FRY: variants seen among roughly 807,000 people sequenced by gnomAD.
FRY encodes the protein protein furry homolog.
In FRY, 128 loss-of-function variants were observed where a neutral mutation model predicts 348.4. The ratio of observed to expected loss-of-function variants is 0.37; its 90% CI spans 0.32 to 0.43. The LOEUF is 0.43. Ranked by LOEUF, FRY falls within the 20% of genes least tolerant of loss-of-function variation. The probability of loss-of-function intolerance (pLI) is 1.00; values close to 1 mark genes in which losing one functional copy is unlikely to be tolerated. For synonymous variants in FRY, 1,370 were observed against 1,374.7 expected (o/e 1.00, Z 0.08); for missense variants, 2,736 against 3,695.2 (o/e 0.74, Z 6.73).
Position 32,239,822 on chromosome 13 carries a change from C to G in FRY, c.6628C>G (p.Arg2210Gly). The G allele has an allele frequency of 1.2e-6, 2 of 1,614,044 alleles. No homozygotes were observed. The highest frequency in any genetic ancestry group is 1.7e-6 in the Non-Finnish European group (2 of 1,179,984). Residue 2210 changes from arginine (R) to glycine (G), a missense_variant, in exon 46 of 61, where the codon CGA becomes GGA. Around this residue, in one of 9 missense-constraint regions of FRY, gnomAD observed 789 missense variants for 996.2 expected, o/e 0.79. Transcript: ENST00000542859. This position sits in a 1 kb window ranked among gnomAD's most constrained non-coding sequence, Gnocchi z 4.3. ...TGCCACGTGGGTCAATGTGGTCTGT[C>G]GATACCTTCATGAAGCATATGCTGA... Reference protein sequence around the residue: ...DCATWVNVVCRYLHEAYADIT... With the variant: ...DCATWVNVVCGYLHEAYADIT...
At chr13:32,266,097 C>G (rs978196990) in intron 54 of FRY, among the ~76,000 whole-genome samples, 2 of 151,958 alleles carry the variant, frequency 1.3e-5, no homozygotes, top group African/African-American at 4.8e-5. Flanking sequence ...TAGATAAACA[C>G]CAGAGGTTAG....
At position 32,208,770 on chromosome 13, in the gene FRY, A is replaced by C. The variant is rs187305568; in HGVS notation, c.4019-83A>C. The C allele has an allele frequency of 4.7e-6, 7 of 1,494,016 alleles. No individual in the cohort carries two copies. In the East Asian group the frequency reaches 1.6e-4, roughly 34 times the overall value. 92.5% of individuals were successfully genotyped at this position (1,494,016 alleles called of 1,614,324 possible). A position where few individuals can be genotyped will look rare whatever the true frequency, so the allele number is the denominator to read the frequency against. On this transcript the variant is annotated intron_variant, in intron 31 of 60. Coordinates refer to ENST00000542859, the MANE Select transcript of FRY (RefSeq NM_023037.3). ...GTTTTGTAAACGTAGGACACTGTTC[A>C]GTCTGCAAGTTGGCATTTGAATTTC...
intron 1 of FRY, among the ~76,000 whole-genome samples, chr13:32,035,480 G>T (rs559489627): frequency 6.6e-6 from 1 of 152,290 alleles, no homozygotes; most frequent in African/African-American, 2.4e-5. Flanking sequence ...TAGAGAACAA[G>T]TTTAAAGTGG....
chr13:32,074,490 G>A (rs1874890996), intron 1 of FRY, among the ~76,000 whole-genome samples: 1 of 152,124 alleles, frequency 6.6e-6, no homozygotes, highest in Non-Finnish European at 1.5e-5. Flanking sequence ...TGGTTTGAAT[G>A]ACTTTTTAGA....
At chr13:32,247,602 T>G in intron 48 of FRY, 100 bp downstream of exon 48, 4 of 949,628 alleles carry the variant, frequency 4.2e-6, no homozygotes, top group Non-Finnish European at 6.8e-6. Flanking sequence ...TATTTGACAG[T>G]TATTTCAAAT....
chr13:32,127,548 TG>T (rs1593643946), intron 7 of FRY, among the ~76,000 whole-genome samples: 1 of 152,148 alleles, frequency 6.6e-6, no homozygotes, highest in East Asian at 1.9e-4. Flanking sequence ...GAGGCCAAGG[TG>T]GGCGGATCAC....
intron 36 of FRY, among the ~76,000 whole-genome samples, chr13:32,220,100 G>A (rs1284720495): frequency 3.9e-5 from 6 of 152,174 alleles, no homozygotes; most frequent in East Asian, 1.9e-4. Flanking sequence ...AGTATCTTGT[G>A]GGATTTATTC....
chr13:32,264,028 C>T (rs961192359), intron 53 of FRY, among the ~76,000 whole-genome samples: 4 of 152,012 alleles, frequency 2.6e-5, no homozygotes, highest in Admixed American at 1.3e-4. Context: ...GTAATACCTA[C>T]GTAATAGATC....
chr13:32,211,034 G>A lies in FRY; in HGVS notation c.4591G>A (p.Gly1531Arg). The A allele has an allele frequency of 1.2e-6, 2 of 1,613,958 alleles. No individual in the cohort carries two copies. The change falls in exon 34 of 61, where the codon GGA (glycine) becomes AGA (arginine). Residue 1531 changes from glycine to arginine, a missense_variant and splice_region_variant. By Grantham distance (125) the Gly-to-Arg change is moderately radical. Transcript: ENST00000542859. The stretch of plus-strand genomic sequence containing the variant: ...TAGCAAGGCTTCCGCAGCAGCCTCA[G>A]GTAAGAAGAGCAACCGGGCAGACAC... ...ASSKASAAAS[G>R]TTSSSNTVVA...
intron 1 of FRY, among the ~76,000 whole-genome samples, chr13:32,074,608 T>G (rs900226572): frequency 6.6e-6 from 1 of 152,090 alleles, no homozygotes; most frequent in Admixed American, 6.6e-5. Flanking sequence ...AACCATACAC[T>G]TGAAAAAGAC....
intron 46 of FRY, among the ~76,000 whole-genome samples, chr13:32,242,058 G>A (rs1019607213): frequency 6.6e-6 from 1 of 152,168 alleles, no homozygotes; most frequent in Admixed American, 6.5e-5. Context: ...AACTCTGGAA[G>A]TCTATCAGGT....
chr13:32,273,512 G>A (rs1407982154), intron 55 of FRY, among the ~76,000 whole-genome samples: 1 of 152,090 alleles, frequency 6.6e-6, no homozygotes, highest in Admixed American at 6.5e-5. Context: ...GTGAGCCACC[G>A]CGCCCGGCCT....
chr13:32,086,675 A>G (rs1018450241), intron 2 of FRY, among the ~76,000 whole-genome samples: 1 of 152,156 alleles, frequency 6.6e-6, no homozygotes, highest in Non-Finnish European at 1.5e-5. Context: ...TTACTCAGAA[A>G]GAAAGTAATT....
At chr13:32,037,696 T>C (rs1432106286) in intron 1 of FRY, among the ~76,000 whole-genome samples, 1 of 152,246 alleles carries the variant, frequency 6.6e-6, no homozygotes, top group African/African-American at 2.4e-5. Context: ...TTTAGAGGTT[T>C]CAACTGATAT....
chr13:32,152,135 T>C (rs1396030917), intron 14 of FRY, among the ~76,000 whole-genome samples: 2 of 152,176 alleles, frequency 1.3e-5, no homozygotes, highest in East Asian at 3.8e-4. Context: ...GAAATAACTG[T>C]AGATTGAATG....
At chr13:32,238,109 T>C in intron 44 of FRY, 123 bp downstream of exon 44, 1 of 1,039,764 alleles carries the variant, frequency 9.6e-7, no homozygotes, top group Non-Finnish European at 1.5e-6. Context: ...TCCTTGGGAG[T>C]AGTTTATTTT....
intron 53 of FRY, among the ~76,000 whole-genome samples, chr13:32,262,883 A>T (rs556068289): frequency 2.2e-4 from 33 of 152,330 alleles, no homozygotes; most frequent in African/African-American, 7.9e-4. Context: ...TTTCCTTTGT[A>T]GGAAACAATT....
chr13:32,209,155 A>T, intron 32 of FRY, 46 bp downstream of exon 32: 1 of 1,611,014 alleles, frequency 6.2e-7, no homozygotes, highest in Middle Eastern at 1.7e-4. Flanking sequence ...CTCCATCATC[A>T]GAAAAAAACC....
At chr13:32,067,151 G>A (rs560393184) in intron 1 of FRY, among the ~76,000 whole-genome samples, 5 of 152,282 alleles carry the variant, frequency 3.3e-5, no homozygotes, top group African/African-American at 9.6e-5. Flanking sequence ...GAGACACTTG[G>A]CAGATGCCTC....
Sources: gnomAD v4.1 joint callset for allele counts (sites outside exome capture counted in the v4.1 genomes callset) on GRCh38, gnomAD v4.1.1 for gene constraint, gnomAD v4.1.1 regional missense constraint, Gnocchi (gnomAD v3.1) non-coding constraint, MANE v1.5 for transcripts, NCBI Gene and HGNC (gene_info 2026-07-23, HGNC 2026-07-21) for gene names.